Variants in VPS13D observed in about 807,000 individuals in gnomAD.
VPS13D encodes the protein intermembrane lipid transfer protein VPS13D.
Under a neutral mutation model 461.9 loss-of-function variants are expected in VPS13D, and 187 were observed. That is an observed-to-expected ratio of 0.40 (90% CI 0.36 to 0.46). The LOEUF (loss-of-function observed/expected upper bound fraction) is 0.46, where lower values mean the gene tolerates loss of function less well. VPS13D is among the 20% of genes least tolerant of loss of function. VPS13D has a pLI of 0.60. For synonymous variants in VPS13D, 1,951 were observed against 1,986.3 expected (o/e 0.98, Z 0.47); for missense variants, 4,711 against 5,364.9 (o/e 0.88, Z 3.81).
chr1:12,283,831 T>C, intron 21 of VPS13D, 95 bp downstream of exon 21: 1 of 1,287,242 alleles, frequency 7.8e-7, no homozygotes, highest in East Asian at 2.5e-5. Flanking sequence ...TTGGAAAATA[T>C]CTCTTGTTGG....
intron 68 of VPS13D, chr1:12,500,164 C>T (rs1485327372): frequency 1.0e-6 from 1 of 984,638 alleles, no homozygotes; most frequent in African/African-American, 1.7e-5. Flanking sequence ...GATCGAGTTG[C>T]ATTTAATTTT....
intron 67 of VPS13D, among the ~76,000 whole-genome samples, chr1:12,464,711 G>C (rs1303416293): frequency 2.0e-5 from 3 of 152,156 alleles, no homozygotes; most frequent in Non-Finnish European, 2.9e-5. Context: ...GAAGGCAGGT[G>C]GGGGTGGGGA....
At chr1:12,398,123 A>G (rs1215790431) in intron 60 of VPS13D, among the ~76,000 whole-genome samples, 1 of 152,230 alleles carries the variant, frequency 6.6e-6, no homozygotes, top group Non-Finnish European at 1.5e-5. Flanking sequence ...TATATAGAGA[A>G]TACATTGTAG....
At chr1:12,354,243 C>T (rs202136172) in intron 47 of VPS13D, 22 bp downstream of exon 47, 9 of 1,611,764 alleles carry the variant, frequency 5.6e-6, no homozygotes, top group Middle Eastern at 1.7e-4. Flanking sequence ...GTCAGATGAT[C>T]ATTTGTCATA....
intron 65 of VPS13D, among the ~76,000 whole-genome samples, chr1:12,419,123 A>G (rs1321052264): frequency 6.6e-6 from 1 of 152,020 alleles, no homozygotes; most frequent in African/African-American, 2.4e-5. Context: ...TGTCCTCCCT[A>G]CCCCCACCCT....
chr1:12,412,419 A>G (rs1327181264), intron 63 of VPS13D, among the ~76,000 whole-genome samples: 1 of 152,238 alleles, frequency 6.6e-6, no homozygotes, highest in African/African-American at 2.4e-5. Flanking sequence ...TTATTACAAG[A>G]CTACAGTAAT....
At chr1:12,341,518 G>A (rs1194194009) in intron 40 of VPS13D, among the ~76,000 whole-genome samples, 1 of 152,218 alleles carries the variant, frequency 6.6e-6, no homozygotes, top group African/African-American at 2.4e-5. Context: ...CACCAAGTTA[G>A]GTCCTGATGC....
chr1:12,293,611 G>A lies in VPS13D; in HGVS notation c.5940G>A (p.Gln1980=). ...RMASVQYVHT[Q]RFQAEVVAFI... is the part of the protein sequence containing the mutation. ...CCTCTGTGCAGTATGTGCATACTCA[G>A]CGTTTCCAGGCAGAGGTGGTGGCCT... Residue 1980 remains glutamine, a synonymous_variant, in exon 24 of 70, where the codon CAG becomes CAA. Coordinates refer to ENST00000620676, the MANE Select transcript of VPS13D (RefSeq NM_015378.4). 2 of 1,614,162 alleles carry A rather than the reference G, an allele frequency of 1.2e-6. No individual in the cohort carries two copies. Among genetic ancestry groups the A allele is most frequent in the Non-Finnish European group, 1.7e-6 (2 of 1,180,024 alleles).
chr1:12,379,606 T>C lies in VPS13D; in HGVS notation c.11190+10T>C. 6.2e-7 allele frequency: 1 copy of C among 1,604,650 alleles called. No homozygotes were observed. The highest frequency in any genetic ancestry group is 8.5e-7 in the Non-Finnish European group (1 of 1,173,762). ...TGGGTTGGTCGTCCAGGTCAGTCGT[T>C]TTTGATCCCCAATTGCAGCAAGCAG... is the stretch of plus-strand genomic sequence containing the variant. On this transcript the variant is annotated intron_variant, in intron 57 of 69. Transcript: ENST00000620676.
chr1:12,338,141 T>A, intron 39 of VPS13D, 90 bp from the exon 40 acceptor site: 1 of 1,151,554 alleles, frequency 8.7e-7, no homozygotes, highest in Non-Finnish European at 1.3e-6. Flanking sequence ...TTTTGTAATG[T>A]TCTCTATTTG....
chr1:12,497,168 G>T (rs1570285885), intron 67 of VPS13D: 1 of 164,132 alleles, frequency 6.1e-6, no homozygotes, highest in Non-Finnish European at 1.3e-5. Flanking sequence ...AGCAGGCTTG[G>T]CGGGCACTGT....
At chr1:12,267,992 C>G (rs543228882) in intron 15 of VPS13D, 72 bp downstream of exon 15, 2 of 1,284,268 alleles carry the variant, frequency 1.6e-6, no homozygotes, top group African/African-American at 1.5e-5. Flanking sequence ...GACAGGGCCT[C>G]GCTCTGTCAC....
intron 65 of VPS13D, among the ~76,000 whole-genome samples, chr1:12,446,427 A>G (rs1297386487): frequency 6.6e-6 from 1 of 152,020 alleles, no homozygotes; most frequent in Non-Finnish European, 1.5e-5. Flanking sequence ...AAAAAAGAAA[A>G]AAAAAAAAAA....
intron 39 of VPS13D, 126 bp from the exon 40 acceptor site, chr1:12,338,105 C>T (rs1643488869): frequency 1.3e-6 from 1 of 797,362 alleles, no homozygotes; most frequent in Admixed American, 1.9e-5. Context: ...ATGGGAATGA[C>T]TCTGTACTTG....
intron 22 of VPS13D, 149 bp downstream of exon 22, chr1:12,288,462 G>A: frequency 1.4e-6 from 1 of 691,306 alleles, no homozygotes. Context: ...TCATGGTGGT[G>A]GTTCCCAAAT....
chr1:12,399,671 T>G (rs764022584), intron 60 of VPS13D, among the ~76,000 whole-genome samples: 2 of 151,392 alleles, frequency 1.3e-5, no homozygotes, highest in African/African-American at 2.4e-5. Context: ...AATATAAAAT[T>G]AGCCGGGCAT....
intron 65 of VPS13D, among the ~76,000 whole-genome samples, chr1:12,451,764 C>T (rs905177255): frequency 3.9e-5 from 6 of 152,218 alleles, no homozygotes; most frequent in African/African-American, 7.2e-5. Context: ...AGATGCTTTA[C>T]GTGCACACTA....
chr1:12,330,636 C>T (rs887876941), intron 37 of VPS13D, among the ~76,000 whole-genome samples: 6 of 152,036 alleles, frequency 3.9e-5, no homozygotes, highest in African/African-American at 9.7e-5. Flanking sequence ...GGCACGATCT[C>T]GGCTCACTGC....
At chr1:12,432,468 G>T (rs1645004761) in intron 65 of VPS13D, among the ~76,000 whole-genome samples, 1 of 151,890 alleles carries the variant, frequency 6.6e-6, no homozygotes, top group Non-Finnish European at 1.5e-5. Flanking sequence ...GTGGCTGTTT[G>T]CTGTACCTCT....
Sources: allele counts gnomAD v4.1 joint callset (sites outside exome capture counted in the v4.1 genomes callset), GRCh38; gene constraint gnomAD v4.1.1; transcripts MANE v1.5; gene names NCBI Gene and HGNC (gene_info 2026-07-23, HGNC 2026-07-21).